Variants in GUCY2C observed in about 807,000 individuals in gnomAD.
GUCY2C encodes guanylate cyclase 2C, also known as guanylyl cyclase C.
GUCY2C carries 118 observed loss-of-function variants against 131.1 expected under a neutral mutation model. That is an observed-to-expected ratio of 0.90 (90% CI 0.78 to 1.05). GUCY2C has a LOEUF of 1.05. Ranked by LOEUF, GUCY2C falls within the 50% of genes least tolerant of loss-of-function variation. The probability of loss-of-function intolerance (pLI) is 0.00; values close to 1 mark genes in which losing one functional copy is unlikely to be tolerated. For missense variants in GUCY2C, 1,161 were observed against 1,304.4 expected, an observed-to-expected ratio of 0.89 and a Z score of 1.69; for synonymous variants, 452 against 457.8, an observed-to-expected ratio of 0.99 and a Z score of 0.16.
intron 22 of GUCY2C, 93 bp from the exon 23 acceptor site, chr12:14,621,309 G>T: frequency 8.9e-7 from 1 of 1,118,982 alleles, no homozygotes; most frequent in Non-Finnish European, 1.3e-6. Flanking sequence ...CACAAAAAGT[G>T]ATTTGGGAAC....
chr12:14,649,284 A>G (rs1272798450), intron 15 of GUCY2C, among the ~76,000 whole-genome samples: 2 of 152,340 alleles, frequency 1.3e-5, no homozygotes, highest in East Asian at 3.9e-4. Flanking sequence ...TTCTTACTAT[A>G]TCATAATATT....
At chr12:14,691,435 G>A (rs992917423) in intron 1 of GUCY2C, among the ~76,000 whole-genome samples, 1 of 152,118 alleles carries the variant, frequency 6.6e-6, no homozygotes, top group Non-Finnish European at 1.5e-5. Context: ...TTGAAACCAG[G>A]AGAACAGAAT....
At chr12:14,640,691 C>G (rs1947381562) in intron 18 of GUCY2C, among the ~76,000 whole-genome samples, 1 of 152,198 alleles carries the variant, frequency 6.6e-6, no homozygotes, top group Non-Finnish European at 1.5e-5. Context: ...AGCATTTTCC[C>G]TTGAGAGGAC....
At chr12:14,666,757 G>C (rs1947990909) in intron 10 of GUCY2C, among the ~76,000 whole-genome samples, 1 of 149,358 alleles carries the variant, frequency 6.7e-6, no homozygotes. Context: ...AAAAGAGTAA[G>C]AAAAGAAAAG....
intron 1 of GUCY2C, among the ~76,000 whole-genome samples, chr12:14,693,405 T>G (rs943882840): frequency 7.2e-5 from 11 of 152,150 alleles, no homozygotes; most frequent in Admixed American, 5.2e-4. Context: ...AGGAATCTCT[T>G]TTTTTCATGT....
chr12:14,659,970 A>C (rs1276853322), intron 11 of GUCY2C, among the ~76,000 whole-genome samples: 2 of 152,104 alleles, frequency 1.3e-5, no homozygotes, highest in African/African-American at 4.8e-5. Context: ...TTTGGGGGAA[A>C]ATTTTGGTTT....
chr12:14,667,999 C>CTT (rs11355096), intron 10 of GUCY2C, among the ~76,000 whole-genome samples: 116 of 76,320 alleles, frequency 1.5e-3, no homozygotes, highest in African/African-American at 1.8e-3. Flanking sequence ...TAATAATTTT[C>CTT]TTTTTTTTTT....
At chr12:14,641,751 A>G (rs1947409233) in intron 17 of GUCY2C, among the ~76,000 whole-genome samples, 1 of 152,148 alleles carries the variant, frequency 6.6e-6, no homozygotes, top group South Asian at 2.1e-4. Context: ...AGCCTGGCCA[A>G]TATGGTGAAA....
chr12:14,639,992 G>A (rs201401108), intron 18 of GUCY2C, 42 bp from the exon 19 acceptor site: 1 of 1,248,050 alleles, frequency 8.0e-7, no homozygotes, highest in East Asian at 2.3e-5. Flanking sequence ...GAAGAATACA[G>A]CATGAAGAAA....
At chr12:14,618,927 C>T (rs1391437861) in intron 24 of GUCY2C, among the ~76,000 whole-genome samples, 4 of 152,058 alleles carry the variant, frequency 2.6e-5, no homozygotes, top group African/African-American at 9.7e-5. Context: ...AATGCCAGGA[C>T]TATTCTAAGT....
At chr12:14,679,372 C>T (rs944825036) in intron 6 of GUCY2C, among the ~76,000 whole-genome samples, 5 of 152,076 alleles carry the variant, frequency 3.3e-5, no homozygotes, top group Non-Finnish European at 5.9e-5. Flanking sequence ...AGCCAGGATT[C>T]TATGTTGACT....
intron 15 of GUCY2C, 64 bp downstream of exon 15, chr12:14,651,326 ATTTTACTCGGTAAATAT>A (rs1947654289): frequency 1.4e-6 from 1 of 732,784 alleles, no homozygotes; most frequent in East Asian, 2.6e-5. Flanking sequence ...CTCTAATATT[ATTTTACTCGGTAAATAT>A]TTTAAAAGGC....
chr12:14,654,535 G>C (rs1294203357), intron 12 of GUCY2C, among the ~76,000 whole-genome samples: 1 of 151,924 alleles, frequency 6.6e-6, no homozygotes, highest in African/African-American at 2.4e-5. Context: ...CTATTTCCTT[G>C]GTCAGGTGAC....
intron 19 of GUCY2C, among the ~76,000 whole-genome samples, chr12:14,636,055 T>C (rs1947262859): frequency 6.6e-6 from 1 of 152,170 alleles, no homozygotes; most frequent in Non-Finnish European, 1.5e-5. Context: ...ACTAATTCTC[T>C]TCAAACTATT....
intron 24 of GUCY2C, among the ~76,000 whole-genome samples, chr12:14,617,527 G>A (rs1179008457): frequency 6.6e-6 from 1 of 152,168 alleles, no homozygotes; most frequent in East Asian, 1.9e-4. Context: ...AGCCTTGTGG[G>A]CAAGGTGAAG....
intron 21 of GUCY2C, among the ~76,000 whole-genome samples, chr12:14,623,212 C>A (rs1044242788): frequency 6.6e-6 from 1 of 152,196 alleles, no homozygotes; most frequent in Non-Finnish European, 1.5e-5. Flanking sequence ...ACCCATCAGT[C>A]TTTTTTTGCA....
chr12:14,660,643 T>C (rs1269687302), intron 11 of GUCY2C, among the ~76,000 whole-genome samples: 1 of 152,214 alleles, frequency 6.6e-6, no homozygotes, highest in Non-Finnish European at 1.5e-5. Context: ...GTAGTTTGTA[T>C]ACATGTTCCA....
At chr12:14,621,365 T>TG in intron 22 of GUCY2C, 149 bp from the exon 23 acceptor site, 1 of 665,788 alleles carries the variant, frequency 1.5e-6, no homozygotes, top group Non-Finnish European at 2.6e-6. Flanking sequence ...GCCAGTTGGA[T>TG]CAGTTCTATG....
intron 19 of GUCY2C, among the ~76,000 whole-genome samples, chr12:14,629,260 T>C (rs556831627): frequency 1.2e-4 from 19 of 152,086 alleles, no homozygotes; most frequent in East Asian, 5.8e-4. Context: ...ACAACTTTTA[T>C]TGGGGGTCTG....
Sources: gnomAD v4.1 joint callset for allele counts (sites outside exome capture counted in the v4.1 genomes callset) on GRCh38, gnomAD v4.1.1 for gene constraint, MANE v1.5 for transcripts, NCBI Gene and HGNC (gene_info 2026-07-23, HGNC 2026-07-21) for gene names.